Variants in TM7SF3 observed in about 807,000 individuals in gnomAD.
The protein encoded by TM7SF3 is transmembrane 7 superfamily member 3.
Under a neutral mutation model 65.5 loss-of-function variants are expected in TM7SF3, and 60 were observed. That is an observed-to-expected ratio of 0.92 (90% confidence interval 0.74 to 1.14). TM7SF3 has a LOEUF of 1.14. Ranked by LOEUF, TM7SF3 falls within the 50% of genes most tolerant of loss-of-function variation. The probability of loss-of-function intolerance (pLI) is 0.00; values close to 1 mark genes in which losing one functional copy is unlikely to be tolerated. For synonymous variants in TM7SF3, 264 were observed against 259.6 expected (o/e 1.02, Z -0.16); for missense variants, 623 against 684.8 (o/e 0.91, Z 1.01).
chr12:26,982,687 T>C (rs1482078191), intron 7 of TM7SF3, 86 bp downstream of exon 7: 19 of 849,128 alleles, frequency 2.2e-5, no homozygotes, highest in Non-Finnish European at 3.2e-5. Context: ...TAGAGATAAG[T>C]AAGTGCTTAC....
At chr12:26,991,338 G>C (rs1202456095) in intron 5 of TM7SF3, among the ~76,000 whole-genome samples, 1 of 151,022 alleles carries the variant, frequency 6.6e-6, no homozygotes, top group East Asian at 1.9e-4. Flanking sequence ...ATTTTTAGTA[G>C]AGACGGGGTT....
At chr12:26,991,052 A>C (rs1376029288) in intron 5 of TM7SF3, among the ~76,000 whole-genome samples, 1 of 152,222 alleles carries the variant, frequency 6.6e-6, no homozygotes, top group Non-Finnish European at 1.5e-5. Flanking sequence ...CAGTCTGTTA[A>C]CATCTCGCAG....
rs116698459 is a variant in TM7SF3 at position 27,008,044 on chromosome 12, C to T, written c.92-4654G>A. Among the ~76,000 whole-genome samples, 377 of 152,216 alleles carry T rather than the reference C, an allele frequency of 2.5e-3. 2 individuals are homozygous for T. Among genetic ancestry groups the T allele is most frequent in the African/African-American group, 8.4e-3 (349 of 41,534 alleles). On this transcript the variant is annotated intron_variant, in intron 1 of 11. Coordinates refer to ENST00000343028, the MANE Select transcript of TM7SF3 (RefSeq NM_016551.3). The stretch of plus-strand genomic sequence containing the variant: ...TTTTCTGTGCATGTCTTTTGGTACA[C>T]GCATATACACATTTTTGTTGGGTGG...
At chr12:27,000,597 C>CT (rs1171091554) in intron 2 of TM7SF3, among the ~76,000 whole-genome samples, 3 of 152,146 alleles carry the variant, frequency 2.0e-5, no homozygotes, top group East Asian at 1.9e-4. Flanking sequence ...GTAGCTGGGA[C>CT]TACAGGCGCC....
intron 6 of TM7SF3, among the ~76,000 whole-genome samples, chr12:26,983,209 T>C (rs371885210): frequency 1.0e-5 from 1 of 99,588 alleles, no homozygotes; most frequent in East Asian, 3.2e-4. Context: ...ATAAACTGCA[T>C]GGACAAAAGG....
At chr12:26,999,818 C>G in intron 2 of TM7SF3, 142 bp from the exon 3 acceptor site, 1 of 764,168 alleles carries the variant, frequency 1.3e-6, no homozygotes, top group South Asian at 2.0e-5. Flanking sequence ...CCAGGGAATT[C>G]TTTTCATCTC....
At position 27,013,932 on chromosome 12, in the gene TM7SF3, G is replaced by A; in HGVS notation, c.91+146C>T. 5.5e-6 allele frequency: 4 copies of A among 725,292 alleles called. No individual in the cohort carries two copies. In the East Asian group the frequency reaches 8.1e-5, roughly 15 times the overall value. 44.9% of individuals were successfully genotyped at this position (725,292 alleles called of 1,614,324 possible). A position where few individuals can be genotyped will look rare whatever the true frequency, so the allele number is the denominator to read the frequency against. On this transcript the variant is annotated intron_variant, in intron 1 of 11. Transcript: ENST00000343028. ...GTTTCCGCTGCAGGAAACACCATTC[G>A]TGCCGGTTCTGGACTCACCACCCAG...
At chr12:26,999,736 G>C in intron 2 of TM7SF3, 60 bp from the exon 3 acceptor site, 3 of 1,578,994 alleles carry the variant, frequency 1.9e-6, no homozygotes, top group Non-Finnish European at 2.6e-6. Context: ...AAATTACTGA[G>C]CTGATCCAGT....
At chr12:26,975,390 C>A in intron 11 of TM7SF3, 106 bp downstream of exon 11, 1 of 1,147,138 alleles carries the variant, frequency 8.7e-7, no homozygotes, top group African/African-American at 1.5e-5. Flanking sequence ...CTCCTTTTGT[C>A]CCAGTTGACT....
intron 5 of TM7SF3, among the ~76,000 whole-genome samples, chr12:26,994,093 C>T (rs963137177): frequency 3.9e-5 from 6 of 152,044 alleles, no homozygotes; most frequent in Non-Finnish European, 4.4e-5. Flanking sequence ...TTAAAAGTAA[C>T]CTACAAAAAG....
chr12:27,005,004 T>C (rs903444968), intron 1 of TM7SF3, among the ~76,000 whole-genome samples: 3 of 152,220 alleles, frequency 2.0e-5, no homozygotes, highest in Non-Finnish European at 2.9e-5. Context: ...GTTTTTTCTT[T>C]TTAAAAAGAA....
intron 8 of TM7SF3, 105 bp from the exon 9 acceptor site, chr12:26,980,041 G>T: frequency 7.3e-7 from 1 of 1,365,968 alleles, no homozygotes; most frequent in Non-Finnish European, 1.0e-6. Context: ...CTTTCTGTAG[G>T]TCAGGCACTG....
chr12:27,000,770 C>A (rs1190554690), intron 2 of TM7SF3, among the ~76,000 whole-genome samples: 1 of 152,000 alleles, frequency 6.6e-6, no homozygotes, highest in African/African-American at 2.4e-5. Flanking sequence ...ATAAAGTATA[C>A]TTTTAAGTGT....
chr12:26,993,438 T>G (rs1489452543), intron 5 of TM7SF3, among the ~76,000 whole-genome samples: 2 of 152,204 alleles, frequency 1.3e-5, no homozygotes, highest in African/African-American at 4.8e-5. Flanking sequence ...TCCAATGGAC[T>G]AAATTCAGGT....
intron 9 of TM7SF3, 187 bp downstream of exon 9, chr12:26,979,597 T>C (rs1002155524): frequency 1.6e-6 from 1 of 610,444 alleles, no homozygotes; most frequent in African/African-American, 1.9e-5. Flanking sequence ...TCATCTACTG[T>C]GCCTTTGAGG....
intron 1 of TM7SF3, among the ~76,000 whole-genome samples, chr12:27,005,527 T>C (rs1940998318): frequency 6.6e-6 from 1 of 152,088 alleles, no homozygotes; most frequent in African/African-American, 2.4e-5. Context: ...GAGCCTTCCA[T>C]CAGAACAGTA....
rs1008533612 is a variant in TM7SF3 at position 27,008,451 on chromosome 12, C to A, written c.92-5061G>T. Among the ~76,000 whole-genome samples, 7 of 152,194 alleles carry A rather than the reference C, an allele frequency of 4.6e-5. 1 individual carries two copies. The highest frequency in any genetic ancestry group is 3.9e-4 in the Admixed American group (6 of 15,286). ...TATGAGTATTCTGACAGATACGTTG[C>A]GAATATATTCTCCCACTCTTGTTGC... On this transcript the variant is annotated intron_variant, in intron 1 of 11. Transcript: ENST00000343028.
At chr12:26,977,793 T>A (rs910870730) in intron 9 of TM7SF3, among the ~76,000 whole-genome samples, 4 of 146,170 alleles carry the variant, frequency 2.7e-5, no homozygotes, top group Admixed American at 2.1e-4. Context: ...TGTGTGTGTA[T>A]GTGTGTGTGT....
At position 27,009,055 on chromosome 12, in the gene TM7SF3, T is replaced by C. The variant is rs139636089; in HGVS notation, c.91+5023A>G. Among the ~76,000 whole-genome samples, 4 of 152,352 alleles carry C rather than the reference T, an allele frequency of 2.6e-5. 1 individual carries two copies. The highest frequency in any genetic ancestry group is 9.6e-5 in the African/African-American group (4 of 41,582). On this transcript the variant is annotated intron_variant, in intron 1 of 11. Coordinates refer to ENST00000343028, the MANE Select transcript of TM7SF3 (RefSeq NM_016551.3). ...TCTCCCCACCCTACTGCTTTGCAGT[T>C]CCACCTTTCACATAAGTCAAGTGAA...
Sources: allele counts gnomAD v4.1 joint callset (sites outside exome capture counted in the v4.1 genomes callset), GRCh38; gene constraint gnomAD v4.1.1; transcripts MANE v1.5; gene names NCBI Gene and HGNC (gene_info 2026-07-23, HGNC 2026-07-21).